The following FLI1 variants were observed in gnomAD, a reference collection of about 807,000 sequenced individuals.
FLI1 encodes Fli-1 proto-oncogene, ETS transcription factor.
Under a neutral mutation model 53.1 loss-of-function variants are expected in FLI1, and 13 were observed. That is an observed-to-expected ratio of 0.24 (90% CI 0.16 to 0.39). FLI1 has a LOEUF of 0.39. Ranked by LOEUF, FLI1 falls within the 10% of genes least tolerant of loss-of-function variation. The probability of loss-of-function intolerance (pLI) is 1.00; values close to 1 mark genes in which losing one functional copy is unlikely to be tolerated. For synonymous variants in FLI1, 244 were observed against 236.7 expected (o/e 1.03, Z -0.28); for missense variants, 424 against 600.5 (o/e 0.71, Z 3.07).
At chr11:128,788,737 G>A (rs1210945747) in intron 5 of FLI1, among the ~76,000 whole-genome samples, 2 of 152,202 alleles carry the variant, frequency 1.3e-5, no homozygotes, top group African/African-American at 4.8e-5. Flanking sequence ...TTATTCCTAT[G>A]TAGGCAGATA....
chr11:128,686,193 C>A, upstream of FLI1: 1 of 371,682 alleles, frequency 2.7e-6, no homozygotes, highest in Non-Finnish European at 5.4e-6. Flanking sequence ...CTGTAAGCTT[C>A]TGCTCCTCAG....
chr11:128,746,033 CT>C (rs149484660), intron 1 of FLI1, among the ~76,000 whole-genome samples: 8 of 152,312 alleles, frequency 5.3e-5, no homozygotes, highest in Non-Finnish European at 8.8e-5. Flanking sequence ...CTGGGTGTGG[CT>C]GCTTTAAAAG....
intron 5 of FLI1, among the ~76,000 whole-genome samples, chr11:128,795,559 A>ATTTTTT (rs33948261): frequency 2.9e-5 from 4 of 136,458 alleles, no homozygotes; most frequent in African/African-American, 1.1e-4. Context: ...ATAGAAAGCA[A>ATTTTTT]TTTTTTTTTT....
chr11:128,755,272 T>G (rs1271424947), intron 1 of FLI1, among the ~76,000 whole-genome samples: 1 of 152,084 alleles, frequency 6.6e-6, no homozygotes, highest in Non-Finnish European at 1.5e-5. Flanking sequence ...TCCCCCAACC[T>G]AGAAGAGGGA....
chr11:128,787,701 A>G (rs1397531443), intron 5 of FLI1, among the ~76,000 whole-genome samples: 1 of 152,222 alleles, frequency 6.6e-6, no homozygotes, highest in Non-Finnish European at 1.5e-5. Flanking sequence ...CTGACACACC[A>G]ATAAGTGCTC....
At chr11:128,752,764 A>C (rs1940705250) in intron 1 of FLI1, among the ~76,000 whole-genome samples, 1 of 152,218 alleles carries the variant, frequency 6.6e-6, no homozygotes, top group Non-Finnish European at 1.5e-5. Flanking sequence ...TACTCATGTA[A>C]ACAGTGTTTT....
chr11:128,793,879 C>T (rs1942351235), intron 5 of FLI1, among the ~76,000 whole-genome samples: 2 of 152,158 alleles, frequency 1.3e-5, no homozygotes, highest in African/African-American at 4.8e-5. Flanking sequence ...CCAGAGCACC[C>T]TCCCCATTCG....
At position 128,811,243 on chromosome 11, in the gene FLI1, T is replaced by C. The variant is rs1427249921; in HGVS notation, c.*255T>C. ...TTTGAATTCTCAGTCTCCTAGCATC[T>C]TGTGAGTTGCATATTAAGATTACTG... On this transcript the variant is annotated 3_prime_UTR_variant, in exon 9 of 9. Coordinates refer to ENST00000527786, the MANE Select transcript of FLI1 (RefSeq NM_002017.5). 32 of 527,310 alleles carry C rather than the reference T, an allele frequency of 6.1e-5. No homozygotes were observed. The highest frequency in any genetic ancestry group is 2.0e-5 in the Non-Finnish European group (6 of 298,026). The allele number at this position is 527,310 out of a possible 1,614,324, so 32.7% of individuals were successfully genotyped here. A position where few individuals can be genotyped will look rare whatever the true frequency, so the allele number is the denominator to read the frequency against.
intron 1 of FLI1, among the ~76,000 whole-genome samples, chr11:128,748,561 A>G (rs1244070426): frequency 6.6e-6 from 1 of 152,010 alleles, no homozygotes; most frequent in African/African-American, 2.4e-5. Context: ...TGACCCTGGG[A>G]GGCAGAGGTT....
chr11:128,810,281 G>A lies in FLI1; in HGVS notation c.830-178G>A, dbSNP rs934417422. 3.3e-5 allele frequency among the ~76,000 whole-genome samples: 5 copies of A among 151,836 alleles called. No homozygotes were observed. The highest frequency in any genetic ancestry group is 4.8e-5 in the African/African-American group (2 of 41,324). On this transcript the variant is annotated intron_variant, in intron 8 of 8. Transcript: ENST00000527786. The surrounding 1 kb of genome is among the most constrained non-coding windows in gnomAD (Gnocchi z 6.6). ...CTCGCTTATTATACCCATCTCCAAG[G>A]CAAGCAGAAAGGCAAATCAACAATG...
intron 5 of FLI1, among the ~76,000 whole-genome samples, chr11:128,793,517 A>G (rs573860733): frequency 9.2e-5 from 14 of 152,200 alleles, no homozygotes; most frequent in East Asian, 5.8e-4. Context: ...CTTCATCCCA[A>G]TGCTTAACTG....
intron 1 of FLI1, among the ~76,000 whole-genome samples, chr11:128,749,819 G>A (rs916591648): frequency 1.2e-4 from 18 of 151,992 alleles, no homozygotes; most frequent in Non-Finnish European, 7.3e-5. Flanking sequence ...TGCCCTTTAC[G>A]CAGTGGAAAT....
At chr11:128,757,069 T>TTTCC (rs1471172922) in intron 1 of FLI1, among the ~76,000 whole-genome samples, 1 of 144,356 alleles carries the variant, frequency 6.9e-6, no homozygotes, top group African/African-American at 2.7e-5. Context: ...TCTTTCTTTC[T>TTTCC]TTCTTTCTTT....
intron 2 of FLI1, among the ~76,000 whole-genome samples, chr11:128,762,347 G>A (rs530690686): frequency 6.6e-6 from 1 of 152,284 alleles, no homozygotes; most frequent in South Asian, 2.1e-4. Flanking sequence ...ACCAAGGCAG[G>A]GTATAAAATT....
chr11:128,757,047 T>A (rs1173408590), intron 1 of FLI1, among the ~76,000 whole-genome samples: 1 of 47,818 alleles, frequency 2.1e-5, no homozygotes, highest in African/African-American at 1.0e-4. Flanking sequence ...GCTAATTTTT[T>A]CTTTCTTTCT....
At position 128,747,153 on chromosome 11, in the gene FLI1, G is replaced by A. The variant is rs566838856; in HGVS notation, c.19-10962G>A. 2.6e-5 allele frequency among the ~76,000 whole-genome samples: 4 copies of A among 152,352 alleles called. No individual in the cohort carries two copies. The East Asian group carries it at 7.7e-4, about 29-fold the overall frequency. ...ACAATCTGTAAGGCGCGGGCTGCAA[G>A]ACAGCAGCCCATTGTCTTGAAGCAG... On this transcript the variant is annotated intron_variant, in intron 1 of 8. Coordinates refer to ENST00000527786, the MANE Select transcript of FLI1 (RefSeq NM_002017.5).
intron 1 of FLI1, among the ~76,000 whole-genome samples, chr11:128,754,968 C>T (rs1326265324): frequency 6.6e-6 from 1 of 152,206 alleles, no homozygotes; most frequent in African/African-American, 2.4e-5. Flanking sequence ...TCTACACCTA[C>T]ACTCTATCTC....
intron 1 of FLI1, among the ~76,000 whole-genome samples, chr11:128,687,602 C>G (rs535189258): frequency 1.3e-5 from 2 of 152,304 alleles, no homozygotes; most frequent in African/African-American, 4.8e-5. Context: ...CAAGTGCTCC[C>G]CAGACCGGTC....
intron 1 of FLI1, among the ~76,000 whole-genome samples, chr11:128,716,183 G>A (rs1055830675): frequency 4.6e-5 from 7 of 152,214 alleles, no homozygotes; most frequent in African/African-American, 1.7e-4. Flanking sequence ...CATAGCAAAA[G>A]CACCAGGAGA....
Sources: allele counts gnomAD v4.1 joint callset (sites outside exome capture counted in the v4.1 genomes callset), GRCh38; gene constraint gnomAD v4.1.1; non-coding constraint Gnocchi (gnomAD v3.1); transcripts MANE v1.5; gene names NCBI Gene and HGNC (gene_info 2026-07-23, HGNC 2026-07-21).